Variants in NT5DC3 observed in about 807,000 individuals in gnomAD.
The protein encoded by NT5DC3 is 5'-nucleotidase domain containing 3, also known as 5'-nucleotidase domain-containing protein 3.
Under a neutral mutation model 67.8 loss-of-function variants are expected in NT5DC3, and 42 were observed. That is an observed-to-expected ratio of 0.62 (90% CI 0.48 to 0.80). NT5DC3 has a LOEUF of 0.80. Ranked by LOEUF, NT5DC3 falls within the 30% of genes least tolerant of loss-of-function variation. The pLI is 0.00. For synonymous variants in NT5DC3, 237 were observed against 255.6 expected (o/e 0.93, Z 0.69); for missense variants, 570 against 696.4 (o/e 0.82, Z 2.04).
intron 1 of NT5DC3, among the ~76,000 whole-genome samples, chr12:103,838,230 G>T (rs1391638301): frequency 6.6e-6 from 1 of 152,198 alleles, no homozygotes; most frequent in Non-Finnish European, 1.5e-5. Flanking sequence ...CAAAGTACAT[G>T]GGAATTCTGG....
chr12:103,791,210 C>T (rs955838005), intron 9 of NT5DC3, among the ~76,000 whole-genome samples: 6 of 152,096 alleles, frequency 3.9e-5, no homozygotes, highest in African/African-American at 1.4e-4. Context: ...ACCCTGCCTG[C>T]GCCATCCAGG....
rs146249568 is a variant in NT5DC3, at chr12:103,779,860, T to G, written c.1394+440A>C. On this transcript the variant is annotated intron_variant, in intron 13 of 13. Coordinates refer to ENST00000392876, the MANE Select transcript of NT5DC3 (RefSeq NM_001031701.3). ...AACATCCTGCTTACTGATTGCACATTCTTGAAATAGCTGTGGTTACAAATA... is the reference window on the plus strand; with the variant it reads ...AACATCCTGCTTACTGATTGCACATGCTTGAAATAGCTGTGGTTACAAATA... Among the ~76,000 whole-genome samples, 1,432 of 152,244 alleles carry G rather than the reference T, an allele frequency of 9.4e-3. 33 individuals are homozygous for G. The highest frequency in any genetic ancestry group is 8.2e-3 in the Non-Finnish European group (555 of 68,016).
chr12:103,825,788 T>C (rs1326293821), intron 1 of NT5DC3, among the ~76,000 whole-genome samples: 1 of 152,224 alleles, frequency 6.6e-6, no homozygotes, highest in East Asian at 1.9e-4. Context: ...AAGAGAGCCA[T>C]GTCGAATGAT....
chr12:103,755,606 C>T, the NT5DC3 span: 6 of 1,613,964 alleles, frequency 3.7e-6, no homozygotes, highest in Non-Finnish European at 5.1e-6. Context: ...TGCCTCTGCC[C>T]TCCAGATGTG....
chr12:103,766,253 T>A, downstream of NT5DC3: 1 of 1,613,740 alleles, frequency 6.2e-7, no homozygotes, highest in South Asian at 1.1e-5. Context: ...ACACACAGAA[T>A]GCCCTGCCCC....
At position 103,781,192 on chromosome 12, in the gene NT5DC3, G is replaced by C. The variant is rs117936907; in HGVS notation, c.1330-828C>G. On this transcript the variant is annotated intron_variant, in intron 12 of 13. Transcript: ENST00000392876. Reference sequence around the variant, plus strand: ...AATCCAAGGTGCACATGATCGCAGGGAACAGGCCAGCTCCCTGCAATTCAT... The same window carrying C: ...AATCCAAGGTGCACATGATCGCAGGCAACAGGCCAGCTCCCTGCAATTCAT... Among the ~76,000 whole-genome samples, 538 of 152,298 alleles carry C rather than the reference G, an allele frequency of 3.5e-3. 6 individuals are homozygous for C. Among genetic ancestry groups the C allele is most frequent in the East Asian group, 0.025 (130 of 5,184 alleles).
At chr12:103,757,646 T>C in the NT5DC3 span, among the ~76,000 whole-genome samples, 2 of 151,990 alleles carry the variant, frequency 1.3e-5, no homozygotes, top group Non-Finnish European at 2.9e-5. Flanking sequence ...CATGCAGACT[T>C]AGGGGAAGAA....
chr12:103,835,860 T>A (rs1041622814), intron 1 of NT5DC3, among the ~76,000 whole-genome samples: 3 of 152,086 alleles, frequency 2.0e-5, no homozygotes, highest in East Asian at 1.9e-4. Flanking sequence ...TAATTGAGAC[T>A]GGGAAGAAAA....
intron 1 of NT5DC3, among the ~76,000 whole-genome samples, chr12:103,818,507 C>CTTAGCT (rs1480919644): frequency 6.6e-6 from 1 of 151,894 alleles, no homozygotes. Context: ...TCCCAAGTAG[C>CTTAGCT]TGAGATTACA....
At chr12:103,825,216 G>T (rs1022147545) in intron 1 of NT5DC3, among the ~76,000 whole-genome samples, 1 of 152,138 alleles carries the variant, frequency 6.6e-6, no homozygotes, top group East Asian at 1.9e-4. Context: ...TTACTCATCT[G>T]ACTAACTAAT....
the NT5DC3 span, among the ~76,000 whole-genome samples, chr12:103,751,382 T>A: frequency 6.6e-6 from 1 of 150,618 alleles, no homozygotes; most frequent in Admixed American, 6.6e-5. Flanking sequence ...TACTGAGGAG[T>A]GAGATGAGGT....
the NT5DC3 span, chr12:103,746,747 G>A: frequency 6.3e-7 from 1 of 1,594,322 alleles, no homozygotes; most frequent in Non-Finnish European, 8.6e-7. Context: ...GCATGGTGTG[G>A]GAGAGGAGCA....
At chr12:103,758,286 T>C in the NT5DC3 span, 1 of 1,613,202 alleles carries the variant, frequency 6.2e-7, no homozygotes, top group Non-Finnish European at 8.5e-7. Flanking sequence ...TGGGGGAGAA[T>C]GAGGTGAGTT....
At chr12:103,802,840 GT>G (rs1886641591) in intron 4 of NT5DC3, among the ~76,000 whole-genome samples, 1 of 152,178 alleles carries the variant, frequency 6.6e-6, no homozygotes, top group Non-Finnish European at 1.5e-5. Flanking sequence ...GAAGCGAAGA[GT>G]TTAAAGCAGG....
At chr12:103,752,832 A>G in the NT5DC3 span, among the ~76,000 whole-genome samples, 1 of 152,244 alleles carries the variant, frequency 6.6e-6, no homozygotes, top group East Asian at 1.9e-4. Flanking sequence ...ATATAACATG[A>G]ATAAATAGGA....
chr12:103,762,168 GTATT>G, the NT5DC3 span: 13 of 1,479,530 alleles, frequency 8.8e-6, no homozygotes, highest in Non-Finnish European at 1.0e-5. Flanking sequence ...TAACATGTCA[GTATT>G]TTTATCCCCA....
chr12:103,781,748 G>T (rs1885560201), intron 12 of NT5DC3, among the ~76,000 whole-genome samples: 1 of 152,158 alleles, frequency 6.6e-6, no homozygotes, highest in Admixed American at 6.5e-5. Context: ...GTGTTCATTA[G>T]CTATCATTAA....
At chr12:103,747,998 A>G in the NT5DC3 span, among the ~76,000 whole-genome samples, 1 of 97,312 alleles carries the variant, frequency 1.0e-5, no homozygotes, top group Non-Finnish European at 2.5e-5. Context: ...CTGTCTCCAA[A>G]AAAAAAAAAA....
chr12:103,763,209 C>A, the NT5DC3 span: 1 of 335,720 alleles, frequency 3.0e-6, no homozygotes, highest in Non-Finnish European at 5.5e-6. Context: ...CCCTGGGTGG[C>A]AGGCACCAGC....
Sources: gnomAD v4.1 joint callset for allele counts (sites outside exome capture counted in the v4.1 genomes callset) on GRCh38, gnomAD v4.1.1 for gene constraint, MANE v1.5 for transcripts, NCBI Gene and HGNC (gene_info 2026-07-23, HGNC 2026-07-21) for gene names.